TUBGCP3: variants seen among roughly 807,000 people sequenced by gnomAD.
TUBGCP3 encodes the protein tubulin gamma complex component 3, also known as gamma-tubulin complex component 3.
Under a neutral mutation model 123.1 loss-of-function variants are expected in TUBGCP3, and 50 were observed. The observed-to-expected ratio is 0.41, with a 90% CI of 0.32 to 0.51. The LOEUF is 0.51. Among genes scored for constraint, TUBGCP3 ranks in the 20% least tolerant of loss-of-function variants. TUBGCP3 has a pLI of 0.36. For synonymous variants in TUBGCP3, 405 were observed against 413.9 expected (o/e 0.98, Z 0.26); for missense variants, 882 against 1,127.0 (o/e 0.78, Z 3.11).
rs1342119525 is a variant in TUBGCP3, at chr13:112,504,245, T to C, written c.2176-82A>G. ...TCACTCATAAAATATATACCACCTA[T>C]GGGAGGCCGAGGCGGGCAGATCACC... On this transcript the variant is annotated intron_variant, in intron 18 of 21. Coordinates refer to ENST00000261965, the MANE Select transcript of TUBGCP3 (RefSeq NM_006322.6). 7.1e-6 allele frequency: 11 copies of C among 1,555,096 alleles called. 1 individual carries two copies. In the South Asian group the frequency reaches 9.4e-5, roughly 13 times the overall value.
chr13:112,553,934 A>C, intron 8 of TUBGCP3, 123 bp downstream of exon 8: 1 of 1,450,472 alleles, frequency 6.9e-7, no homozygotes, highest in Non-Finnish European at 9.3e-7. Context: ...CTGAAAGTTG[A>C]CTCTCAAAGC....
At chr13:112,495,372 G>A (rs757453741) in intron 20 of TUBGCP3, among the ~76,000 whole-genome samples, 6 of 152,072 alleles carry the variant, frequency 3.9e-5, no homozygotes, top group Non-Finnish European at 7.3e-5. Flanking sequence ...GTGCAGGAGC[G>A]TGTATGTCTC....
chr13:112,504,069 G>A lies in TUBGCP3; in HGVS notation c.2270C>T (p.Thr757Ile). Reference protein sequence around the residue: ...IIAAHEVFLDTIISRCLLDSD... With the variant: ...IIAAHEVFLDIIISRCLLDSD... ...GTCCAGCAGGCAGCGGGAGATGATG[G>A]TGTCTAAGAACACCTCGTGTGCAGC... is the stretch of plus-strand genomic sequence containing the variant. The change falls in exon 19 of 22, where the codon ACC becomes ATC. Residue 757 changes from threonine (T) to isoleucine (I), a missense_variant. By Grantham distance (89) the Thr-to-Ile change is moderately conservative. Coordinates refer to ENST00000261965, the MANE Select transcript of TUBGCP3 (RefSeq NM_006322.6). 1.2e-6 allele frequency: 2 copies of A among 1,614,086 alleles called. No individual in the cohort carries two copies. The highest frequency in any genetic ancestry group is 1.7e-6 in the Non-Finnish European group (2 of 1,179,998).
Position 112,554,052 on chromosome 13 carries a change from C to G in TUBGCP3, c.966+5G>C. The G allele has an allele frequency of 6.2e-7, 1 of 1,608,808 alleles. No individual in the cohort carries two copies. The highest frequency in any genetic ancestry group is 8.5e-7 in the Non-Finnish European group (1 of 1,178,616). The stretch of plus-strand genomic sequence containing the variant: ...ATCCCAGCATCCTAGGAACCATGAA[C>G]GCACCTGCCCGACGAGTCCGAATGA... On this transcript the variant is annotated splice_donor_5th_base_variant and intron_variant, in intron 8 of 21. Coordinates refer to ENST00000261965, the MANE Select transcript of TUBGCP3 (RefSeq NM_006322.6).
chr13:112,547,894 T>C (rs1879200810), intron 9 of TUBGCP3, 142 bp from the exon 10 acceptor site: 1 of 1,130,544 alleles, frequency 8.8e-7, no homozygotes, highest in Non-Finnish European at 1.2e-6. Flanking sequence ...AATAGTATTT[T>C]AAAGCTACCT....
At chr13:112,552,937 C>A (rs1879709913) in intron 8 of TUBGCP3, among the ~76,000 whole-genome samples, 1 of 151,784 alleles carries the variant, frequency 6.6e-6, no homozygotes, top group South Asian at 2.1e-4. Flanking sequence ...CTCCTCCCCA[C>A]CAGCCATGCT....
rs1876140274 is a variant in TUBGCP3 at position 112,516,474 on chromosome 13, G to A, written c.2052C>T (p.His684=). 1 of 1,612,276 alleles carries A rather than the reference G, an allele frequency of 6.2e-7. No individual in the cohort carries two copies. Among genetic ancestry groups the A allele is most frequent in the African/African-American group, 1.3e-5 (1 of 74,890 alleles). ...EYILTDIRKG[H]MCNAKLLRNM... The stretch of plus-strand genomic sequence containing the variant: ...TTCTCAGGAGCTTTGCATTGCACAT[G>A]TGTCCCTTCCGTATGTCAGTGAGGA... Residue 684 remains histidine (H), a synonymous_variant, in exon 17 of 22, where the codon CAC becomes CAT. Transcript: ENST00000261965.
At chr13:112,494,884 G>A (rs75563344) in intron 20 of TUBGCP3, among the ~76,000 whole-genome samples, 49 of 152,268 alleles carry the variant, frequency 3.2e-4, no homozygotes, top group Non-Finnish European at 5.4e-4. Flanking sequence ...GAGAAATGTC[G>A]ATTCAGATCC....
At chr13:112,556,011 G>A (rs753509141) in intron 6 of TUBGCP3, 41 bp downstream of exon 6, 4 of 1,569,762 alleles carry the variant, frequency 2.5e-6, no homozygotes, top group Non-Finnish European at 3.5e-6. Flanking sequence ...TGAATTCCAA[G>A]TGTTCACAGA....
intron 11 of TUBGCP3, among the ~76,000 whole-genome samples, chr13:112,528,512 TCTC>T (rs1416813626): frequency 2.6e-5 from 4 of 152,338 alleles, no homozygotes; most frequent in African/African-American, 9.6e-5. Context: ...TTGCTTTTCT[TCTC>T]CTGTGAATGG....
chr13:112,554,281 T>C, intron 7 of TUBGCP3, 99 bp from the exon 8 acceptor site: 5 of 1,385,092 alleles, frequency 3.6e-6, no homozygotes, highest in Non-Finnish European at 4.9e-6. Flanking sequence ...ACTATAATCC[T>C]TAGGCTTCAA....
At chr13:112,514,202 A>G (rs928642080) in intron 17 of TUBGCP3, among the ~76,000 whole-genome samples, 2 of 151,508 alleles carry the variant, frequency 1.3e-5, no homozygotes, top group African/African-American at 4.9e-5. Context: ...TGCCTAACCT[A>G]TAAGTTAAAC....
intron 11 of TUBGCP3, among the ~76,000 whole-genome samples, chr13:112,540,004 C>G (rs978811170): frequency 9.0e-5 from 12 of 133,116 alleles, no homozygotes; most frequent in Non-Finnish European, 1.4e-4. Context: ...GAAAGGACAC[C>G]TGGGAATGAG....
chr13:112,601,684 G>A, the TUBGCP3 span, among the ~76,000 whole-genome samples: 2 of 152,206 alleles, frequency 1.3e-5, no homozygotes, highest in Non-Finnish European at 2.9e-5. Context: ...CCAGCCATGT[G>A]AGGTGAGCTC....
chr13:112,562,132 A>ATAGGGAACACCACCAGCCAGGACCCAC (rs1880561939), intron 3 of TUBGCP3, among the ~76,000 whole-genome samples: 1 of 70,558 alleles, frequency 1.4e-5, no homozygotes. Context: ...CCAGGACCCA[A>ATAGGGAACACCACCAGCCAGGACCCAC]TAGGGAACAC....
intron 3 of TUBGCP3, among the ~76,000 whole-genome samples, chr13:112,564,203 T>C (rs1880768841): frequency 6.6e-6 from 1 of 152,176 alleles, no homozygotes; most frequent in South Asian, 2.1e-4. Flanking sequence ...CTTAAAACAG[T>C]GAATCCAAGT....
At chr13:112,602,529 TG>T in the TUBGCP3 span, among the ~76,000 whole-genome samples, 2 of 152,152 alleles carry the variant, frequency 1.3e-5, no homozygotes, top group African/African-American at 4.8e-5. Context: ...TTGAAACACA[TG>T]AATGCCCAGA....
At chr13:112,581,372 C>G (rs1480029107) in intron 1 of TUBGCP3, among the ~76,000 whole-genome samples, 3 of 152,034 alleles carry the variant, frequency 2.0e-5, no homozygotes, top group Admixed American at 2.0e-4. Context: ...TGAATTTTTA[C>G]ACTGCGTATA....
intron 18 of TUBGCP3, 25 bp from the exon 19 acceptor site, chr13:112,504,188 C>T (rs1881120331): frequency 3.1e-6 from 5 of 1,613,714 alleles, no homozygotes; most frequent in Non-Finnish European, 4.2e-6. Flanking sequence ...TTTAAAGACG[C>T]TAGATAAGCT....
Sources: gnomAD v4.1 joint callset for allele counts (sites outside exome capture counted in the v4.1 genomes callset) on GRCh38, gnomAD v4.1.1 for gene constraint, MANE v1.5 for transcripts, NCBI Gene and HGNC (gene_info 2026-07-23, HGNC 2026-07-21) for gene names.